Variants in FEZ1 observed in about 807,000 individuals in gnomAD.
FEZ1 encodes fasciculation and elongation protein zeta 1.
FEZ1 carries 20 observed loss-of-function variants against 49.3 expected under a neutral mutation model. The ratio of observed to expected loss-of-function variants is 0.41; its 90% CI spans 0.29 to 0.59. The LOEUF is 0.59. Ranked by LOEUF, FEZ1 falls within the 20% of genes least tolerant of loss-of-function variation. The pLI, the probability that FEZ1 is intolerant of heterozygous loss-of-function variation, is 0.36. For missense variants in FEZ1, 413 were observed against 476.0 expected, an observed-to-expected ratio of 0.87 and a Z score of 1.23; for synonymous variants, 170 against 180.9, an observed-to-expected ratio of 0.94 and a Z score of 0.48.
Position 125,495,122 on chromosome 11 carries a change from C to T in FEZ1, c.-46+999G>A, listed in dbSNP as rs1957444988. ...CAACCCCTTCGCGGTTCTGCTTGCTCCCCTCCCCCTCCTCCCGCTGCTCCA... is the reference window on the plus strand; with the variant it reads ...CAACCCCTTCGCGGTTCTGCTTGCTTCCCTCCCCCTCCTCCCGCTGCTCCA... On this transcript the variant is annotated intron_variant, in intron 1 of 9. Transcript: ENST00000278919. The surrounding 1 kb of genome is among the most constrained non-coding windows in gnomAD (Gnocchi z 4.2). 2 of 349,888 alleles carry T rather than the reference C, an allele frequency of 5.7e-6. No individual in the cohort carries two copies. Among genetic ancestry groups the T allele is most frequent in the African/African-American group, 4.3e-5 (2 of 46,530 alleles). The allele number at this position is 349,888 out of a possible 1,614,324, so 21.7% of individuals were successfully genotyped here. A position where few individuals can be genotyped will look rare whatever the true frequency, so the allele number is the denominator to read the frequency against.
At chr11:125,487,507 C>G (rs1430193676) in intron 2 of FEZ1, among the ~76,000 whole-genome samples, 1 of 152,078 alleles carries the variant, frequency 6.6e-6, no homozygotes, top group African/African-American at 2.4e-5. Context: ...CATAATAAAC[C>G]CCCAGAGCCA....
chr11:125,456,719 A>G (rs666160), intron 5 of FEZ1, among the ~76,000 whole-genome samples: 14,975 of 152,254 alleles, frequency 0.098, 857 homozygotes, highest in Non-Finnish European at 0.11. Context: ...TTCAAAGGAA[A>G]GAAAAGGGAA....
intron 5 of FEZ1, among the ~76,000 whole-genome samples, chr11:125,456,829 G>T (rs1957015040): frequency 6.6e-6 from 1 of 152,128 alleles, no homozygotes; most frequent in South Asian, 2.1e-4. Flanking sequence ...CTGTTTACAT[G>T]TTATATATTT....
chr11:125,458,550 C>T (rs746029067), intron 5 of FEZ1, among the ~76,000 whole-genome samples: 9 of 152,288 alleles, frequency 5.9e-5, no homozygotes, highest in Middle Eastern at 3.4e-3. Flanking sequence ...AGGCTTGATT[C>T]TCCCCGTTGA....
chr11:125,456,214 A>T (rs1377472292), intron 5 of FEZ1, 108 bp from the exon 6 acceptor site: 6 of 1,071,312 alleles, frequency 5.6e-6, no homozygotes, highest in African/African-American at 1.6e-5. Flanking sequence ...CTCAGAGGAG[A>T]TCCCTTCCAA....
At chr11:125,478,361 GA>G (rs1358802725) in intron 3 of FEZ1, among the ~76,000 whole-genome samples, 4 of 152,206 alleles carry the variant, frequency 2.6e-5, no homozygotes, top group African/African-American at 4.8e-5. Flanking sequence ...AGAATTGCTT[GA>G]ACCTGGGAGG....
chr11:125,489,056 T>C lies in FEZ1; in HGVS notation c.311+411A>G. The C allele has an allele frequency of 1.0e-6, 1 of 987,120 alleles. No homozygotes were observed. Among genetic ancestry groups the C allele is most frequent in the Non-Finnish European group, 1.2e-6 (1 of 831,214 alleles). The allele number at this position is 987,120 out of a possible 1,614,324, so 61.1% of individuals were successfully genotyped here. On this transcript the variant is annotated intron_variant, in intron 2 of 9. Coordinates refer to ENST00000278919, the MANE Select transcript of FEZ1 (RefSeq NM_005103.5). This position sits in a 1 kb window ranked among gnomAD's most constrained non-coding sequence, Gnocchi z 4.2. ...GAGGGGCTGTCAAAAATTCGGGATT[T>C]TCAAAATTCTGGTGTTTCTTGAAGC...
chr11:125,455,022 A>G (rs1956995799), intron 6 of FEZ1, among the ~76,000 whole-genome samples: 1 of 150,934 alleles, frequency 6.6e-6, no homozygotes, highest in Non-Finnish European at 1.5e-5. Flanking sequence ...TCACCAAAAA[A>G]AAAAAAAAGA....
In FEZ1 at chr11:125,489,695, T is replaced by C. The variant is rs1053916675; in HGVS notation, c.83A>G (p.Gln28Arg). The C allele has an allele frequency of 1.2e-6, 2 of 1,613,218 alleles. No homozygotes were observed. Among genetic ancestry groups the C allele is most frequent in the Non-Finnish European group, 1.7e-6 (2 of 1,179,508 alleles). ...GTGGGGAGATGAACCATAGAAACAC[T>C]GGGGCTTCTCCTCCGGGTCCTCCGA... ...SCSEDPEEKP[Q>R]CFYGSSPHHL... The change falls in exon 2 of 10, where the codon CAG becomes CGG. Residue 28 changes from glutamine (Q) to arginine (R), a missense_variant. Physicochemically the swap from Gln to Arg is conservative, Grantham distance 43. Coordinates refer to ENST00000278919, the MANE Select transcript of FEZ1 (RefSeq NM_005103.5). The surrounding 1 kb of genome is among the most constrained non-coding windows in gnomAD (Gnocchi z 4.2).
chr11:125,493,706 C>G (rs778190428), intron 1 of FEZ1, among the ~76,000 whole-genome samples: 28 of 152,208 alleles, frequency 1.8e-4, no homozygotes, highest in Non-Finnish European at 4.0e-4. Context: ...TTTATTTGTT[C>G]AAAGGTTCCT....
intron 3 of FEZ1, among the ~76,000 whole-genome samples, chr11:125,464,429 A>G (rs1430950244): frequency 6.6e-6 from 1 of 151,998 alleles, no homozygotes; most frequent in Non-Finnish European, 1.5e-5. Flanking sequence ...TGAACGTCAT[A>G]CAAGGAGGAG....
chr11:125,484,528 C>T (rs556178412), intron 2 of FEZ1, among the ~76,000 whole-genome samples: 4 of 151,608 alleles, frequency 2.6e-5, no homozygotes, highest in South Asian at 2.1e-4. Context: ...ATTAGCTGGG[C>T]GTGGTGGCCC....
chr11:125,472,969 A>G (rs1170966222), intron 3 of FEZ1, among the ~76,000 whole-genome samples: 1 of 152,170 alleles, frequency 6.6e-6, no homozygotes, highest in East Asian at 1.9e-4. Flanking sequence ...TTCCAGCAAG[A>G]TTTTTTGCAA....
chr11:125,463,478 TTATACC>T lies in FEZ1; in HGVS notation c.498_498+5del. Reference sequence around the variant, plus strand: ...AGGTCCCGATAACCTGGAGAGATACTTATACCTGATCTGCTGTGAGCAGAGGCTCCT... The same window carrying T: ...AGGTCCCGATAACCTGGAGAGATACTTGATCTGCTGTGAGCAGAGGCTCCT... On this transcript the variant is annotated splice_donor_variant and splice_donor_5th_base_variant and coding_sequence_variant and intron_variant, in exon 4 of 10. Coordinates refer to ENST00000278919, the MANE Select transcript of FEZ1 (RefSeq NM_005103.5). LOFTEE classifies it high-confidence loss of function. The T allele has an allele frequency of 6.4e-7, 1 of 1,561,548 alleles. No homozygotes were observed. The highest frequency in any genetic ancestry group is 8.8e-7 in the Non-Finnish European group (1 of 1,132,310).
intron 3 of FEZ1, among the ~76,000 whole-genome samples, chr11:125,471,303 A>T (rs1156692276): frequency 6.6e-6 from 1 of 152,104 alleles, no homozygotes; most frequent in Non-Finnish European, 1.5e-5. Flanking sequence ...AATAAACTAA[A>T]CACAATAATC....
intron 3 of FEZ1, among the ~76,000 whole-genome samples, chr11:125,467,328 C>G (rs1957140168): frequency 6.6e-6 from 1 of 152,182 alleles, no homozygotes; most frequent in Non-Finnish European, 1.5e-5. Flanking sequence ...GTGTGAGCCA[C>G]TGTGCCTGGT....
intron 8 of FEZ1, among the ~76,000 whole-genome samples, chr11:125,451,859 A>AT (rs1179463237): frequency 1.3e-5 from 2 of 152,156 alleles, no homozygotes; most frequent in East Asian, 1.9e-4. Context: ...GCTGGACTCT[A>AT]TTTTTTCCAG....
chr11:125,456,278 G>A (rs995722884), intron 5 of FEZ1, 172 bp from the exon 6 acceptor site: 10 of 619,378 alleles, frequency 1.6e-5, no homozygotes, highest in Admixed American at 6.3e-5. Context: ...CCAGGAAGGC[G>A]GGGGCCTGTG....
chr11:125,495,772 G>A lies in FEZ1; in HGVS notation c.-46+349C>T, dbSNP rs1469149600. On this transcript the variant is annotated intron_variant, in intron 1 of 9. Transcript: ENST00000278919. The surrounding 1 kb of genome is among the most constrained non-coding windows in gnomAD (Gnocchi z 4.2). ...ACCTCGCCGCCCTGCCTTCACACGC[G>A]CGCACACACGCGGGCACACACACGC... The A allele has an allele frequency of 1.1e-5, 4 of 355,196 alleles. No homozygotes were observed. The highest frequency in any genetic ancestry group is 6.6e-5 in the African/African-American group (3 of 45,580). 22.0% of individuals were successfully genotyped at this position (355,196 alleles called of 1,614,324 possible). A position where few individuals can be genotyped will look rare whatever the true frequency, so the allele number is the denominator to read the frequency against.
Sources: allele counts gnomAD v4.1 joint callset (sites outside exome capture counted in the v4.1 genomes callset), GRCh38; gene constraint gnomAD v4.1.1; non-coding constraint Gnocchi (gnomAD v3.1); transcripts MANE v1.5; gene names NCBI Gene and HGNC (gene_info 2026-07-23, HGNC 2026-07-21).